Variants in WWOX observed in about 807,000 individuals in gnomAD.
WWOX encodes the protein WW domain containing oxidoreductase.
Under a neutral mutation model 46.2 loss-of-function variants are expected in WWOX, and 69 were observed. The observed-to-expected ratio is 1.49, with a 90% CI of 1.23 to 1.82. WWOX has a LOEUF of 1.82. WWOX is among the 40% of genes most tolerant of loss of function. The pLI, the probability that WWOX is intolerant of heterozygous loss-of-function variation, is 0.00. For synonymous variants in WWOX, 359 were observed against 202.6 expected, an observed-to-expected ratio of 1.77 and a Z score of -6.56; for missense variants, 919 against 542.6, an observed-to-expected ratio of 1.69 and a Z score of -6.89.
intron 8 of WWOX, among the ~76,000 whole-genome samples, chr16:79,075,291 G>C (rs1248547572): frequency 6.6e-6 from 1 of 152,094 alleles, no homozygotes; most frequent in Non-Finnish European, 1.5e-5. Context: ...TTAACCCATT[G>C]TAAAAATCAT....
intron 8 of WWOX, among the ~76,000 whole-genome samples, chr16:79,174,979 C>T (rs1042042397): frequency 6.6e-6 from 1 of 152,142 alleles, no homozygotes; most frequent in African/African-American, 2.4e-5. Flanking sequence ...TGTCTTATAT[C>T]AACATGCACG....
At chr16:78,872,323 G>A (rs1201802485) in intron 8 of WWOX, among the ~76,000 whole-genome samples, 1 of 152,088 alleles carries the variant, frequency 6.6e-6, no homozygotes, top group Non-Finnish European at 1.5e-5. Flanking sequence ...AATAATGTAG[G>A]GAAAACACTT....
At chr16:78,574,575 C>G (rs2044801312) in intron 8 of WWOX, among the ~76,000 whole-genome samples, 1 of 152,034 alleles carries the variant, frequency 6.6e-6, no homozygotes, top group Admixed American at 6.6e-5. Flanking sequence ...CCTGTGTTGT[C>G]ACAAATGGCA....
At chr16:78,558,594 A>T (rs1336018436) in intron 8 of WWOX, among the ~76,000 whole-genome samples, 1 of 152,154 alleles carries the variant, frequency 6.6e-6, no homozygotes, top group South Asian at 2.1e-4. Flanking sequence ...CCTCCTAGGC[A>T]TTGGAGATTT....
chr16:78,337,683 C>T (rs2080924408), intron 5 of WWOX, among the ~76,000 whole-genome samples: 1 of 152,068 alleles, frequency 6.6e-6, no homozygotes, highest in African/African-American at 2.4e-5. Flanking sequence ...CCTCATTTCC[C>T]CAGCAAAGTC....
chr16:78,568,163 C>G lies in WWOX; in HGVS notation c.1056+135411C>G, dbSNP rs546398197. ...GACCAGATGGTTCTAAAATATGCCA[C>G]TTTCACCAAAAATCATCCTCTGAAA... On this transcript the variant is annotated intron_variant, in intron 8 of 8. Transcript: ENST00000566780. Among the ~76,000 whole-genome samples the G allele has an allele frequency of 3.9e-5, 6 of 152,240 alleles. No homozygotes were observed. The South Asian group carries it at 6.2e-4, about 16-fold the overall frequency.
rs3032258 is a variant in WWOX at position 79,192,300 on chromosome 16, GATTCATTC to G, written c.1057-19277_1057-19270del. ...CCCAAACAGCTGTTATTTTCGCAGT[GATTCATTC>G]ATTCATTCATTCATTCATTCATTCA... On this transcript the variant is annotated intron_variant, in intron 8 of 8. Transcript: ENST00000566780. 8.4e-3 allele frequency among the ~76,000 whole-genome samples: 1,273 copies of G among 151,220 alleles called. 17 individuals are homozygous for G. The highest frequency in any genetic ancestry group is 0.024 in the African/African-American group (997 of 41,024).
intron 8 of WWOX, among the ~76,000 whole-genome samples, chr16:78,867,029 C>A (rs994133733): frequency 3.9e-5 from 6 of 152,200 alleles, no homozygotes; most frequent in African/African-American, 1.4e-4. Flanking sequence ...GGGTCTAGTC[C>A]TTCTTGACTT....
intron 8 of WWOX, among the ~76,000 whole-genome samples, chr16:78,676,596 C>T (rs1411909625): frequency 6.6e-6 from 1 of 152,084 alleles, no homozygotes; most frequent in Admixed American, 6.6e-5. Context: ...GCACTCTGCT[C>T]AGTGCAAGGT....
chr16:78,938,097 A>T (rs961967059), intron 8 of WWOX, among the ~76,000 whole-genome samples: 16 of 151,746 alleles, frequency 1.1e-4, no homozygotes, highest in African/African-American at 3.9e-4. Context: ...CACCACTCAG[A>T]CCCTGTGATT....
chr16:78,718,274 T>C (rs947045333), intron 8 of WWOX, among the ~76,000 whole-genome samples: 3 of 151,912 alleles, frequency 2.0e-5, no homozygotes, highest in Non-Finnish European at 4.4e-5. Flanking sequence ...TGCATTTCCA[T>C]GTTAAGAGAA....
At chr16:78,467,048 T>A (rs2738669) in intron 8 of WWOX, among the ~76,000 whole-genome samples, 1 of 152,104 alleles carries the variant, frequency 6.6e-6, no homozygotes, top group Non-Finnish European at 1.5e-5. Context: ...TTGACCATGC[T>A]ATTGATTAGT....
intron 5 of WWOX, among the ~76,000 whole-genome samples, chr16:78,300,578 G>T (rs562585954): frequency 6.9e-6 from 1 of 143,910 alleles, no homozygotes; most frequent in Non-Finnish European, 1.5e-5. Context: ...TCTTCCTTTC[G>T]CATCTGACAT....
intron 8 of WWOX, among the ~76,000 whole-genome samples, chr16:78,660,107 A>T (rs1191594863): frequency 6.6e-6 from 1 of 152,172 alleles, no homozygotes. Context: ...CTTTTTAGCA[A>T]GCTTTTTGGA....
chr16:78,965,243 A>C (rs751272523), intron 8 of WWOX, among the ~76,000 whole-genome samples: 39 of 152,212 alleles, frequency 2.6e-4, no homozygotes, highest in Non-Finnish European at 4.1e-4. Context: ...CCACAGAGAT[A>C]GTATTGATGG....
At chr16:78,770,342 C>T (rs949114818) in intron 8 of WWOX, among the ~76,000 whole-genome samples, 1 of 148,320 alleles carries the variant, frequency 6.7e-6, no homozygotes, top group African/African-American at 2.5e-5. Context: ...TAGAGTGAGA[C>T]TCTGTCTCAA....
At chr16:78,617,776 C>A (rs9933350) in intron 8 of WWOX, among the ~76,000 whole-genome samples, 21,127 of 152,168 alleles carry the variant, frequency 0.14, 1,636 homozygotes, top group African/African-American at 0.2. Flanking sequence ...TTGGCCCTAT[C>A]CACATGTTGC....
chr16:78,758,711 T>A (rs2049718369), intron 8 of WWOX, among the ~76,000 whole-genome samples: 2 of 152,120 alleles, frequency 1.3e-5, no homozygotes, highest in South Asian at 4.1e-4. Flanking sequence ...GATTGACCTC[T>A]CTGAGCCCAT....
chr16:78,794,606 C>A (rs904871162), intron 8 of WWOX, among the ~76,000 whole-genome samples: 1 of 152,172 alleles, frequency 6.6e-6, no homozygotes, highest in African/African-American at 2.4e-5. Flanking sequence ...AACTAAAGTA[C>A]CATCTTCATG....
Sources: allele counts gnomAD v4.1 joint callset (sites outside exome capture counted in the v4.1 genomes callset), GRCh38; gene constraint gnomAD v4.1.1; transcripts MANE v1.5; gene names NCBI Gene and HGNC (gene_info 2026-07-23, HGNC 2026-07-21).